FAM117B: variants seen among roughly 807,000 people sequenced by gnomAD.
The protein encoded by FAM117B is protein FAM117B.
In FAM117B, 22 loss-of-function variants were observed where a neutral mutation model predicts 52.8. That is an observed-to-expected ratio of 0.42 (90% CI 0.30 to 0.59). The LOEUF (loss-of-function observed/expected upper bound fraction) is 0.59. FAM117B is among the 20% of genes least tolerant of loss of function. The probability of loss-of-function intolerance (pLI) is 0.22; values close to 1 mark genes in which losing one functional copy is unlikely to be tolerated. For synonymous variants in FAM117B, 309 were observed against 324.1 expected, an observed-to-expected ratio of 0.95 and a Z score of 0.50; for missense variants, 678 against 802.6, an observed-to-expected ratio of 0.84 and a Z score of 1.88.
At chr2:202,737,170 TAAAA>T (rs568965379) in intron 4 of FAM117B, among the ~76,000 whole-genome samples, 1 of 146,832 alleles carries the variant, frequency 6.8e-6, no homozygotes, top group Non-Finnish European at 1.5e-5. Flanking sequence ...TGGACTGAAT[TAAAA>T]AAAAAAAATT....
intron 4 of FAM117B, among the ~76,000 whole-genome samples, chr2:202,744,890 T>C (rs1309525299): frequency 7.1e-6 from 1 of 141,772 alleles, no homozygotes; most frequent in Non-Finnish European, 1.5e-5. Context: ...GACAAGAGAA[T>C]CACTTGAACC....
intron 3 of FAM117B, chr2:202,725,315 T>TTG (rs397790071): frequency 5.2e-5 from 10 of 193,558 alleles, no homozygotes; most frequent in South Asian, 1.8e-4. Flanking sequence ...TTTTTTTTTT[T>TTG]GGGGTGTGCA....
At chr2:202,695,742 G>A (rs539259457) in intron 1 of FAM117B, 139 bp from the exon 2 acceptor site, 68 of 794,556 alleles carry the variant, frequency 8.6e-5, no homozygotes, top group Admixed American at 1.2e-4. Context: ...ATCTTTACTG[G>A]GGGTCTTGGA....
At chr2:202,638,057 G>A (rs752394305) in intron 1 of FAM117B, among the ~76,000 whole-genome samples, 1 of 152,110 alleles carries the variant, frequency 6.6e-6, no homozygotes, top group African/African-American at 2.4e-5. Context: ...TGTGTTTTTA[G>A]TAGATACAGG....
intron 2 of FAM117B, among the ~76,000 whole-genome samples, chr2:202,712,419 CT>C (rs1186703318): frequency 0.28 from 25,675 of 90,906 alleles, 1,304 homozygotes; most frequent in Non-Finnish European, 0.33. Context: ...TATCAGCTCT[CT>C]TTTTTTTTTT....
At chr2:202,644,890 G>C (rs886942117) in intron 1 of FAM117B, among the ~76,000 whole-genome samples, 7 of 152,108 alleles carry the variant, frequency 4.6e-5, no homozygotes, top group Non-Finnish European at 2.9e-5. Flanking sequence ...CTTGTTGTGA[G>C]GTGTTTCATT....
At chr2:202,662,776 G>A (rs769887680) in intron 1 of FAM117B, among the ~76,000 whole-genome samples, 1 of 151,996 alleles carries the variant, frequency 6.6e-6, no homozygotes, top group African/African-American at 2.4e-5. Flanking sequence ...CCCGGGAGGC[G>A]TAGGTTGCAG....
In FAM117B at chr2:202,766,000, C is replaced by G; in HGVS notation, c.*236C>G. 1.9e-6 allele frequency: 1 copy of G among 530,500 alleles called. No individual in the cohort carries two copies. The highest frequency in any genetic ancestry group is 3.4e-6 in the Non-Finnish European group (1 of 297,992). The allele number at this position is 530,500 out of a possible 1,614,324, so 32.9% of individuals were successfully genotyped here. A position where few individuals can be genotyped will look rare whatever the true frequency, so the allele number is the denominator to read the frequency against. ...AAGCACTGATTGAAACAAGAAAGGT[C>G]TCATTCTTTACCTTTGGAGAGACAA... is the stretch of plus-strand genomic sequence containing the variant. On this transcript the variant is annotated 3_prime_UTR_variant, in exon 8 of 8. Transcript: ENST00000392238.
intron 4 of FAM117B, among the ~76,000 whole-genome samples, chr2:202,749,088 T>C (rs1691681677): frequency 6.6e-6 from 1 of 152,146 alleles, no homozygotes; most frequent in East Asian, 1.9e-4. Context: ...TCATGAAACA[T>C]ATATATTCAT....
chr2:202,710,847 A>G lies in FAM117B; in HGVS notation c.754-14070A>G, dbSNP rs140657204. On this transcript the variant is annotated intron_variant, in intron 2 of 7. Coordinates refer to ENST00000392238, the MANE Select transcript of FAM117B (RefSeq NM_173511.4). ...CTCTGACTGGCTGATTTCACTTAAC[A>G]TAATGTCCTCCATTCATGCTGTTGC... is the stretch of plus-strand genomic sequence containing the variant. 3.9e-4 allele frequency among the ~76,000 whole-genome samples: 60 copies of G among 152,246 alleles called. No individual in the cohort carries two copies. In the East Asian group the frequency reaches 0.011, roughly 28 times the overall value.
At chr2:202,699,540 C>G (rs539619308) in intron 2 of FAM117B, among the ~76,000 whole-genome samples, 1 of 142,898 alleles carries the variant, frequency 7.0e-6, no homozygotes, top group South Asian at 2.3e-4. Context: ...TAAAGGATAA[C>G]TGGGTACTCC....
At chr2:202,649,091 C>T (rs951621965) in intron 1 of FAM117B, among the ~76,000 whole-genome samples, 18 of 152,018 alleles carry the variant, frequency 1.2e-4, no homozygotes, top group African/African-American at 3.9e-4. Flanking sequence ...GTCAGAAGGG[C>T]GTGCATTTTT....
At chr2:202,736,512 G>A (rs914871198) in intron 4 of FAM117B, among the ~76,000 whole-genome samples, 29 of 152,140 alleles carry the variant, frequency 1.9e-4, no homozygotes, top group Admixed American at 1.9e-3. Flanking sequence ...TATAATCCCA[G>A]CACTTTGGGA....
intron 2 of FAM117B, among the ~76,000 whole-genome samples, chr2:202,712,744 G>A (rs1438510091): frequency 6.6e-6 from 1 of 151,914 alleles, no homozygotes; most frequent in Non-Finnish European, 1.5e-5. Context: ...GTTTTTTGAA[G>A]GTTTTTATCA....
intron 4 of FAM117B, among the ~76,000 whole-genome samples, chr2:202,746,940 C>T (rs146074151): frequency 1.1e-3 from 153 of 140,508 alleles, no homozygotes; most frequent in African/African-American, 3.8e-3. Flanking sequence ...GCACAACAGC[C>T]ACCACCGGAA....
At chr2:202,657,594 T>A (rs1287307671) in intron 1 of FAM117B, among the ~76,000 whole-genome samples, 1 of 152,148 alleles carries the variant, frequency 6.6e-6, no homozygotes, top group Admixed American at 6.6e-5. Context: ...GCTCAGGTGA[T>A]CTTCAAACCT....
Position 202,676,540 on chromosome 2 carries a change from T to C in FAM117B, c.602-19341T>C, listed in dbSNP as rs1479221288. Among the ~76,000 whole-genome samples the C allele has an allele frequency of 2.6e-5, 4 of 151,844 alleles. No individual in the cohort carries two copies. The South Asian group carries it at 6.2e-4, about 24-fold the overall frequency. On this transcript the variant is annotated intron_variant, in intron 1 of 7. Transcript: ENST00000392238. Reference sequence around the variant, plus strand: ...GATTACAGGCATGCGCCACCACACCTGGCTAATTTTTGTGTTTTTAGTAGA... The same window carrying C: ...GATTACAGGCATGCGCCACCACACCCGGCTAATTTTTGTGTTTTTAGTAGA...
intron 6 of FAM117B, 99 bp downstream of exon 6, chr2:202,757,537 C>G (rs1352194355): frequency 1.6e-6 from 2 of 1,252,056 alleles, no homozygotes; most frequent in African/African-American, 1.5e-5. Flanking sequence ...ACACTCGAGG[C>G]TACTCAGTTA....
At chr2:202,763,216 CAT>C (rs1691923928) in intron 7 of FAM117B, among the ~76,000 whole-genome samples, 1 of 151,912 alleles carries the variant, frequency 6.6e-6, no homozygotes, top group Non-Finnish European at 1.5e-5. Flanking sequence ...GGACTACAGG[CAT>C]CCGCCACCAT....
Sources: gnomAD v4.1 joint callset for allele counts (sites outside exome capture counted in the v4.1 genomes callset) on GRCh38, gnomAD v4.1.1 for gene constraint, MANE v1.5 for transcripts, NCBI Gene and HGNC (gene_info 2026-07-23, HGNC 2026-07-21) for gene names.